SPINK6: variants seen among roughly 807,000 people sequenced by gnomAD.
The protein encoded by SPINK6 is serine protease inhibitor Kazal-type 6.
In SPINK6, 13 loss-of-function variants were observed where a neutral mutation model predicts 11.7. The observed-to-expected ratio is 1.11, with a 90% CI of 0.72 to 1.76. SPINK6 has a LOEUF of 1.76. Ranked by LOEUF, SPINK6 falls within the 40% of genes most tolerant of loss-of-function variation. The pLI is 0.00. For missense variants in SPINK6, 98 were observed against 93.7 expected, an observed-to-expected ratio of 1.05 and a Z score of -0.19; for synonymous variants, 21 against 31.9, an observed-to-expected ratio of 0.66 and a Z score of 1.15.
chr5:148,210,696 G>C (rs899486236), intron 2 of SPINK6, among the ~76,000 whole-genome samples: 1 of 151,854 alleles, frequency 6.6e-6, no homozygotes, highest in African/African-American at 2.4e-5. Flanking sequence ...AGAAACAGAC[G>C]ACCAGAGAAC....
intron 1 of SPINK6, 139 bp downstream of exon 1, chr5:148,203,293 T>A: frequency 3.1e-6 from 2 of 644,186 alleles, no homozygotes; most frequent in Non-Finnish European, 5.3e-6. Context: ...TGATAATGAT[T>A]GTGATGACGA....
At chr5:148,203,023 C>T (rs1755452850), upstream of SPINK6, 5 of 1,281,604 alleles carry the variant, frequency 3.9e-6, no homozygotes, top group East Asian at 9.3e-5. Flanking sequence ...TATTTTAGGG[C>T]TTTCTGGGAA....
At chr5:148,210,007 C>CATACTCACGTACGTATGT (rs1554112271) in intron 2 of SPINK6, among the ~76,000 whole-genome samples, 2 of 105,730 alleles carry the variant, frequency 1.9e-5, no homozygotes, top group Non-Finnish European at 3.7e-5. Flanking sequence ...CGTATGTATA[C>CATACTCACGTACGTATGT]ATGTATGTAC....
At chr5:148,205,474 G>A (rs1031586744) in intron 1 of SPINK6, among the ~76,000 whole-genome samples, 1 of 152,206 alleles carries the variant, frequency 6.6e-6, no homozygotes, top group African/African-American at 2.4e-5. Context: ...TTAGAGAGAT[G>A]TAAAAGGAGA....
chr5:148,203,036 G>A, upstream of SPINK6: 1 of 1,424,946 alleles, frequency 7.0e-7, no homozygotes, highest in Non-Finnish European at 9.6e-7. Flanking sequence ...TCTGGGAATT[G>A]TCTTGACAGA....
chr5:148,205,469 G>A (rs999462657), intron 1 of SPINK6, among the ~76,000 whole-genome samples: 1 of 152,186 alleles, frequency 6.6e-6, no homozygotes, highest in African/African-American at 2.4e-5. Context: ...GGAATTTAGA[G>A]AGATGTAAAA....
intron 2 of SPINK6, among the ~76,000 whole-genome samples, chr5:148,212,618 AT>A (rs1223594501): frequency 3.8e-5 from 4 of 103,982 alleles, no homozygotes; most frequent in Admixed American, 1.4e-4. Context: ...ATATATTTAT[AT>A]TATATATTAT....
At position 148,213,814 on chromosome 5, in the gene SPINK6, T is replaced by A. The variant is rs1222085956; in HGVS notation, c.82-96T>A. ...GAATGCTTTATGTCACAACTATTTA[T>A]ATATGGTTTTTAAAGTTTGCTGTCT... On this transcript the variant is annotated intron_variant, in intron 2 of 3. Transcript: ENST00000325630. 21 of 660,230 alleles carry A rather than the reference T, an allele frequency of 3.2e-5. No individual in the cohort carries two copies. In the East Asian group the frequency reaches 5.4e-4, roughly 17 times the overall value. The allele number at this position is 660,230 out of a possible 1,614,324, so 40.9% of individuals were successfully genotyped here. A position where few individuals can be genotyped will look rare whatever the true frequency, so the allele number is the denominator to read the frequency against.
At chr5:148,214,853 G>A (rs1401487817) in intron 3 of SPINK6, 52 bp from the exon 4 acceptor site, 3 of 1,405,192 alleles carry the variant, frequency 2.1e-6, no homozygotes, top group Non-Finnish European at 3.0e-6. Flanking sequence ...AACTTCTATG[G>A]TGAGTACTTA....
intron 1 of SPINK6, among the ~76,000 whole-genome samples, chr5:148,205,667 T>C (rs914949295): frequency 3.9e-5 from 6 of 152,178 alleles, no homozygotes; most frequent in African/African-American, 1.4e-4. Flanking sequence ...AGGTAGAGGA[T>C]ACTTTCCAAT....
rs1428893710 is a variant in SPINK6 at position 148,214,906 on chromosome 5, A to G, written c.199A>G (p.Lys67Glu). ...TATATTTGTCTTTCTTTTTTGTAGG[A>G]AAAGTGGTGGAAAGATTAGCCTAAA... ...NKCAFCKAIV[K>E]SGGKISLKHP... Residue 67 changes from lysine to glutamate, a missense_variant and splice_region_variant, in exon 4 of 4, where the codon AAA becomes GAA. Lys to Glu is a moderately conservative substitution (Grantham distance 56). Coordinates refer to ENST00000325630, the MANE Select transcript of SPINK6 (RefSeq NM_205841.4). 4 of 1,612,920 alleles carry G rather than the reference A, an allele frequency of 2.5e-6. No individual in the cohort carries two copies. Among genetic ancestry groups the G allele is most frequent in the Non-Finnish European group, 2.5e-6 (3 of 1,179,260 alleles).
At chr5:148,214,050 G>A in intron 3 of SPINK6, 25 bp downstream of exon 3, 9 of 1,439,966 alleles carry the variant, frequency 6.3e-6, no homozygotes, top group Non-Finnish European at 8.8e-6. Flanking sequence ...CATCAAAGCT[G>A]ACCCTTGCAA....
At position 148,203,654 on chromosome 5, in the gene SPINK6, T is replaced by C. The variant is rs146708828; in HGVS notation, c.58+500T>C. 2.6e-5 allele frequency among the ~76,000 whole-genome samples: 4 copies of C among 152,304 alleles called. No individual in the cohort carries two copies. The East Asian group carries it at 5.8e-4, about 22-fold the overall frequency. On this transcript the variant is annotated intron_variant, in intron 1 of 3. Coordinates refer to ENST00000325630, the MANE Select transcript of SPINK6 (RefSeq NM_205841.4). ...AGTTATTATTACAAAGACATTCAAA[T>C]AATTAAATTAAGACAATGGGGAAAT...
intron 3 of SPINK6, 46 bp downstream of exon 3, chr5:148,214,071 C>T: frequency 1.7e-6 from 2 of 1,190,306 alleles, no homozygotes; most frequent in Non-Finnish European, 2.5e-6. Flanking sequence ...ACACAAACTT[C>T]CATAATAAGA....
chr5:148,206,205 TTAAC>T, intron 2 of SPINK6, 147 bp downstream of exon 2: 1 of 737,920 alleles, frequency 1.4e-6, no homozygotes, highest in South Asian at 2.0e-5. Flanking sequence ...TTATTATTCT[TTAAC>T]TAAACTCTTG....
intron 2 of SPINK6, among the ~76,000 whole-genome samples, chr5:148,213,703 A>G (rs1305166778): frequency 6.6e-6 from 1 of 152,204 alleles, no homozygotes; most frequent in African/African-American, 2.4e-5. Flanking sequence ...CTGTGACTCA[A>G]AGAAAATGTC....
At position 148,204,479 on chromosome 5, in the gene SPINK6, C is replaced by G. The variant is rs1335728867; in HGVS notation, c.58+1325C>G. Reference sequence around the variant, plus strand: ...AGTTTACCAAAGCATGGATGCTTCACAGACATACTAGATAGTATTTGGGAG... The same window carrying G: ...AGTTTACCAAAGCATGGATGCTTCAGAGACATACTAGATAGTATTTGGGAG... On this transcript the variant is annotated intron_variant, in intron 1 of 3. Transcript: ENST00000325630. Among the ~76,000 whole-genome samples, 5 of 149,640 alleles carry G rather than the reference C, an allele frequency of 3.3e-5. No homozygotes were observed. In the South Asian group the frequency reaches 6.5e-4, roughly 19 times the overall value.
At chr5:148,205,674 C>CA (rs1304033613) in intron 1 of SPINK6, among the ~76,000 whole-genome samples, 1 of 152,074 alleles carries the variant, frequency 6.6e-6, no homozygotes, top group African/African-American at 2.4e-5. Flanking sequence ...GGATACTTTC[C>CA]AATTCAACTT....
intron 2 of SPINK6, among the ~76,000 whole-genome samples, chr5:148,210,474 G>A (rs139129959): frequency 2.6e-5 from 4 of 151,484 alleles, no homozygotes; most frequent in Admixed American, 1.3e-4. Flanking sequence ...ATATGTATGT[G>A]TTTCTGCATA....
Sources: gnomAD v4.1 joint callset for allele counts (sites outside exome capture counted in the v4.1 genomes callset) on GRCh38, gnomAD v4.1.1 for gene constraint, MANE v1.5 for transcripts, NCBI Gene and HGNC (gene_info 2026-07-23, HGNC 2026-07-21) for gene names.